Variants in FAAH2 observed in about 807,000 individuals in gnomAD.
FAAH2 encodes fatty-acid amide hydrolase 2.
FAAH2 carries 60 observed loss-of-function variants against 36.9 expected under a neutral mutation model. The observed-to-expected ratio is 1.63, with a 90% confidence interval of 1.32 to 2.02. The LOEUF is 2.02. FAAH2 is among the 30% of genes most tolerant of loss of function. The pLI, the probability that FAAH2 is intolerant of heterozygous loss-of-function variation, is 0.00. For synonymous variants in FAAH2, 214 were observed against 143.8 expected (o/e 1.49, Z -3.49); for missense variants, 689 against 397.5 (o/e 1.73, Z -6.23).
intron 10 of FAAH2, among the ~76,000 whole-genome samples, chrX:57,464,760 T>C (rs770029573): frequency 9.0e-6 from 1 of 111,300 alleles, no homozygotes; most frequent in Admixed American, 9.6e-5. Context: ...ACCTGGAAGA[T>C]AGGATCACTA....
chrX:57,338,949 T>C (rs1374751408), intron 4 of FAAH2, among the ~76,000 whole-genome samples: 1 of 110,783 alleles, frequency 9.0e-6, no homozygotes, highest in Non-Finnish European at 1.9e-5. Flanking sequence ...AGAGCCCGAG[T>C]AGCCAAGACA....
chrX:57,263,190 A>G, the FAAH2 span, among the ~76,000 whole-genome samples: 2 of 111,822 alleles, frequency 1.8e-5, no homozygotes, highest in Non-Finnish European at 3.8e-5. Context: ...ATGATTGTCT[A>G]TAGAAAATCG....
intron 7 of FAAH2, among the ~76,000 whole-genome samples, chrX:57,417,395 C>T (rs2055872563): frequency 9.0e-6 from 1 of 111,521 alleles, no homozygotes; most frequent in Non-Finnish European, 1.9e-5. Flanking sequence ...TGCTGGTGAC[C>T]TTTGGATGGG....
chrX:57,452,893 C>T (rs1409465794), intron 10 of FAAH2, among the ~76,000 whole-genome samples: 1 of 112,056 alleles, frequency 8.9e-6, no homozygotes, highest in African/African-American at 3.2e-5. Context: ...CTGTTTTCCC[C>T]TCCGCTTCTC....
At chrX:57,420,260 G>C (rs1243325621) in intron 7 of FAAH2, among the ~76,000 whole-genome samples, 1 of 111,557 alleles carries the variant, frequency 9.0e-6, no homozygotes, top group African/African-American at 3.3e-5. Context: ...TGTGAAGACA[G>C]TCATTGGTAG....
intron 7 of FAAH2, among the ~76,000 whole-genome samples, chrX:57,381,800 G>A (rs1186814346): frequency 9.0e-6 from 1 of 111,069 alleles, no homozygotes; most frequent in Non-Finnish European, 1.9e-5. Context: ...TCCAGGAATT[G>A]AATTCAGCTC....
intron 6 of FAAH2, among the ~76,000 whole-genome samples, chrX:57,379,839 A>G (rs1471156303): frequency 2.1e-5 from 2 of 96,778 alleles, no homozygotes; most frequent in African/African-American, 8.2e-5. Flanking sequence ...CATTTTTGCT[A>G]AAAATAATGA....
At chrX:57,265,692 T>C in the FAAH2 span, among the ~76,000 whole-genome samples, 1 of 112,025 alleles carries the variant, frequency 8.9e-6, no homozygotes, top group African/African-American at 3.2e-5. Flanking sequence ...GATTTTAAAA[T>C]TCCATGGGAA....
chrX:57,418,966 T>G (rs1198068621), intron 7 of FAAH2, among the ~76,000 whole-genome samples: 1 of 101,514 alleles, frequency 9.9e-6, no homozygotes, highest in Non-Finnish European at 2.0e-5. Flanking sequence ...GAACATGCGG[T>G]GTTTGGTTTT....
chrX:57,216,797 G>T, the FAAH2 span, among the ~76,000 whole-genome samples: 1 of 104,677 alleles, frequency 9.6e-6, no homozygotes, highest in African/African-American at 3.4e-5. Context: ...CCAGTTGTGG[G>T]ATTGCTGGAT....
the FAAH2 span, among the ~76,000 whole-genome samples, chrX:57,266,523 C>T: frequency 4.4e-5 from 5 of 112,631 alleles, no homozygotes; most frequent in Admixed American, 9.3e-5. Context: ...TCTGCCACTG[C>T]CTTTGCAGTA....
At chrX:57,404,202 T>C (rs1157163296) in intron 7 of FAAH2, among the ~76,000 whole-genome samples, 3 of 112,376 alleles carry the variant, frequency 2.7e-5, no homozygotes, top group South Asian at 3.7e-4. Flanking sequence ...TGGAGTGTTA[T>C]AGGGTCATGG....
At chrX:57,192,343 T>C in the FAAH2 span, among the ~76,000 whole-genome samples, 4 of 112,006 alleles carry the variant, frequency 3.6e-5, no homozygotes, top group Non-Finnish European at 7.5e-5. Context: ...TGAATAGTTT[T>C]TTTTTGTGGC....
At chrX:57,375,353 C>CT (rs202228022) in intron 5 of FAAH2, among the ~76,000 whole-genome samples, 17,770 of 65,052 alleles carry the variant, frequency 0.27, 2,972 homozygotes, top group African/African-American at 0.38. Flanking sequence ...TGGTACTGCA[C>CT]TTTTTTTTTT....
intron 7 of FAAH2, among the ~76,000 whole-genome samples, chrX:57,396,368 G>C (rs1307509841): frequency 2.0e-5 from 2 of 97,925 alleles, no homozygotes; most frequent in Non-Finnish European, 4.1e-5. Flanking sequence ...CTAGCTTTAG[G>C]TTTAGTGTTT....
the FAAH2 span, among the ~76,000 whole-genome samples, chrX:57,232,686 G>A: frequency 9.0e-6 from 1 of 111,651 alleles, no homozygotes; most frequent in African/African-American, 3.3e-5. Context: ...TACTTCATAG[G>A]TACAATCCAT....
the FAAH2 span, among the ~76,000 whole-genome samples, chrX:57,255,196 G>T: frequency 9.0e-6 from 1 of 111,595 alleles, no homozygotes; most frequent in Non-Finnish European, 1.9e-5. Context: ...TCAATTTCTG[G>T]ACACATACAC....
the FAAH2 span, among the ~76,000 whole-genome samples, chrX:57,279,307 A>G: frequency 8.9e-6 from 1 of 112,529 alleles, no homozygotes; most frequent in South Asian, 3.7e-4. Flanking sequence ...TTGCAGGGAC[A>G]TGGATGAAGC....
the FAAH2 span, among the ~76,000 whole-genome samples, chrX:57,142,504 G>A: frequency 2.7e-5 from 3 of 112,065 alleles, no homozygotes; most frequent in African/African-American, 9.7e-5. Context: ...AATTTGTTGA[G>A]ATTTATTCTG....
Sources: allele counts gnomAD v4.1 joint callset (sites outside exome capture counted in the v4.1 genomes callset), GRCh38; gene constraint gnomAD v4.1.1; transcripts MANE v1.5; gene names NCBI Gene and HGNC (gene_info 2026-07-23, HGNC 2026-07-21).